Variants in PCDHGA2 observed in about 807,000 individuals in gnomAD.
PCDHGA2 encodes the protein protocadherin gamma subfamily A, 2, also known as protocadherin gamma-A2.
PCDHGA2 carries 40 observed loss-of-function variants against 59.2 expected under a neutral mutation model. The ratio of observed to expected loss-of-function variants is 0.68; its 90% CI spans 0.52 to 0.88. PCDHGA2 has a LOEUF of 0.88. PCDHGA2 is among the 40% of genes least tolerant of loss of function. PCDHGA2 has a pLI of 0.00. For synonymous variants in PCDHGA2, 560 were observed against 526.0 expected (o/e 1.06, Z -0.89); for missense variants, 1,226 against 1,204.0 (o/e 1.02, Z -0.27).
chr5:141,401,613 G>A (rs906957282), intron 1 of PCDHGA2, among the ~76,000 whole-genome samples: 1 of 152,162 alleles, frequency 6.6e-6, no homozygotes, highest in Admixed American at 6.5e-5. Flanking sequence ...AAAAGACACC[G>A]GATTTGTCTT....
chr5:141,463,208 C>G (rs895284460), intron 1 of PCDHGA2, among the ~76,000 whole-genome samples: 1 of 152,090 alleles, frequency 6.6e-6, no homozygotes, highest in African/African-American at 2.4e-5. Flanking sequence ...CTTGGGGATC[C>G]ATATTAATAT....
At chr5:141,404,811 G>A (rs2094571358) in intron 1 of PCDHGA2, 1 of 1,606,238 alleles carries the variant, frequency 6.2e-7, no homozygotes, top group African/African-American at 1.4e-5. Flanking sequence ...TTCTCGGTGG[G>A]GCTGCACACA....
At chr5:141,418,539 A>G (rs984639830) in intron 1 of PCDHGA2, 14 of 1,614,034 alleles carry the variant, frequency 8.7e-6, no homozygotes, top group Non-Finnish European at 1.0e-5. Context: ...GGTACTGCTC[A>G]GATAAGAATC....
chr5:141,360,130 C>T lies in PCDHGA2; in HGVS notation c.2424+18735C>T, dbSNP rs769543573. On this transcript the variant is annotated intron_variant, in intron 1 of 3. Transcript: ENST00000394576. ...CTATGGGCAAAGGAGCAAAGGGAGCCAGAAGATGAAAGCGAGCTCAGGGAG... is the reference window on the plus strand; with the variant it reads ...CTATGGGCAAAGGAGCAAAGGGAGCTAGAAGATGAAAGCGAGCTCAGGGAG... 2.5e-6 allele frequency: 4 copies of T among 1,588,304 alleles called. No homozygotes were observed. In the Admixed American group the frequency reaches 7.0e-5, roughly 28 times the overall value.
Position 141,388,997 on chromosome 5 carries a change from C to G in PCDHGA2, c.2424+47602C>G. On this transcript the variant is annotated intron_variant, in intron 1 of 3. Transcript: ENST00000394576. ...ATATTGCTTTGCTCAAAGTCCGTGA[C>G]AAGGATTCCAGACACAATGGAGAAG... The G allele has an allele frequency of 1.9e-6, 3 of 1,613,968 alleles. No individual in the cohort carries two copies. The highest frequency in any genetic ancestry group is 2.5e-6 in the Non-Finnish European group (3 of 1,179,880).
chr5:141,344,248 C>A (rs1355715841), intron 1 of PCDHGA2: 4 of 1,614,022 alleles, frequency 2.5e-6, no homozygotes, highest in Non-Finnish European at 3.4e-6. Context: ...AGAGGTAGGA[C>A]GCAGCTTTTC....
At chr5:141,370,245 C>G (rs1766766732) in intron 1 of PCDHGA2, 1 of 646,036 alleles carries the variant, frequency 1.5e-6, no homozygotes, top group Non-Finnish European at 2.5e-6. Context: ...GAAAAGTGCA[C>G]TCTCTATCAG....
Position 141,493,360 on chromosome 5 carries a change from G to T in PCDHGA2, c.2425-1447G>T, listed in dbSNP as rs1364095483. Reference sequence around the variant, plus strand: ...CAGAATGTGTGCTTTTAATTTCTTGGCACTTGGAACTTTAAAAGCTTGAGG... The same window carrying T: ...CAGAATGTGTGCTTTTAATTTCTTGTCACTTGGAACTTTAAAAGCTTGAGG... On this transcript the variant is annotated intron_variant, in intron 1 of 3. Transcript: ENST00000394576. This position sits in a 1 kb window ranked among gnomAD's most constrained non-coding sequence, Gnocchi z 4.3. Among the ~76,000 whole-genome samples the T allele has an allele frequency of 6.6e-6, 1 of 152,144 alleles. No individual in the cohort carries two copies. The highest frequency in any genetic ancestry group is 1.5e-5 in the Non-Finnish European group (1 of 68,022).
intron 1 of PCDHGA2, among the ~76,000 whole-genome samples, chr5:141,456,101 G>A (rs1231843666): frequency 6.6e-6 from 1 of 151,970 alleles, no homozygotes; most frequent in African/African-American, 2.4e-5. Context: ...ATTTCACCGT[G>A]TTAGCCAGGA....
intron 1 of PCDHGA2, chr5:141,415,426 C>T: frequency 6.2e-7 from 1 of 1,614,194 alleles, no homozygotes; most frequent in Non-Finnish European, 8.5e-7. Flanking sequence ...GGACGGGGTT[C>T]GGGCTTTCCT....
chr5:141,379,889 C>CTTTTT lies in PCDHGA2; in HGVS notation c.2424+38520_2424+38524dup, dbSNP rs70988800. 5.8e-3 allele frequency among the ~76,000 whole-genome samples: 293 copies of CTTTTT among 50,830 alleles called. 35 individuals carry two copies. The highest frequency in any genetic ancestry group is 6.4e-3 in the African/African-American group (97 of 15,076). The allele number at this position is 50,830 out of a possible 152,430, so 33.3% of individuals were successfully genotyped here. A position where few individuals can be genotyped will look rare whatever the true frequency, so the allele number is the denominator to read the frequency against. On this transcript the variant is annotated intron_variant, in intron 1 of 3. Coordinates refer to ENST00000394576, the MANE Select transcript of PCDHGA2 (RefSeq NM_018915.4). ...CTTATTTTATGGTCTGTGAAAGCCTCTTTTTTTTTTTTTTTTTTTTTTTTT... is the reference window on the plus strand; with the variant it reads ...CTTATTTTATGGTCTGTGAAAGCCTCTTTTTTTTTTTTTTTTTTTTTTTTTTTTTT...
intron 1 of PCDHGA2, among the ~76,000 whole-genome samples, chr5:141,438,619 TATATATATATATATATAC>T (rs1380852637): frequency 0.021 from 829 of 39,644 alleles, 15 homozygotes; most frequent in East Asian, 0.054. Context: ...TATATATATA[TATATATATATATATATAC>T]ACACACACAC....
chr5:141,375,967 G>C (rs200712802), intron 1 of PCDHGA2: 9 of 1,613,254 alleles, frequency 5.6e-6, no homozygotes, highest in East Asian at 2.2e-5. Flanking sequence ...AGGTGCGCAC[G>C]GCGCGCGCCC....
At chr5:141,371,313 C>A in intron 1 of PCDHGA2, 2 of 1,613,964 alleles carry the variant, frequency 1.2e-6, no homozygotes, top group South Asian at 1.1e-5. Flanking sequence ...TATTGGAGAA[C>A]TGGACTTTGA....
rs1178101439 is a variant in PCDHGA2, at chr5:141,443,790, T to C, written c.2425-51017T>C. On this transcript the variant is annotated intron_variant, in intron 1 of 3. Coordinates refer to ENST00000394576, the MANE Select transcript of PCDHGA2 (RefSeq NM_018915.4). Reference sequence around the variant, plus strand: ...AATATTACCAAAAAGACAAAAAAAATGAAAAGGAAACAGTTACCTTTGGAA... The same window carrying C: ...AATATTACCAAAAAGACAAAAAAAACGAAAAGGAAACAGTTACCTTTGGAA... Among the ~76,000 whole-genome samples, 6 of 151,950 alleles carry C rather than the reference T, an allele frequency of 3.9e-5. No homozygotes were observed. The East Asian group carries it at 1.2e-3, about 29-fold the overall frequency.
At chr5:141,495,841 G>A (rs1187067340) in intron 2 of PCDHGA2, among the ~76,000 whole-genome samples, 1 of 151,864 alleles carries the variant, frequency 6.6e-6, no homozygotes, top group Non-Finnish European at 1.5e-5. Context: ...CAGCCTCTAT[G>A]TTTCTCTGTC....
chr5:141,370,865 G>A lies in PCDHGA2; in HGVS notation c.2424+29470G>A, dbSNP rs749306291. The A allele has an allele frequency of 1.2e-5, 19 of 1,613,886 alleles. 1 individual carries two copies. The South Asian group carries it at 1.9e-4, about 16-fold the overall frequency. ...GAGCCACATTTGCCCTGGAATCTGC[G>A]CAAGATCCTGATGTAGGTGTCAATT... On this transcript the variant is annotated intron_variant, in intron 1 of 3. Transcript: ENST00000394576.
In PCDHGA2 at chr5:141,450,826, A is replaced by AT. The variant is rs764729742; in HGVS notation, c.2425-43979dup. On this transcript the variant is annotated intron_variant, in intron 1 of 3. Coordinates refer to ENST00000394576, the MANE Select transcript of PCDHGA2 (RefSeq NM_018915.4). ...TATTTATTTATTTAATATTATTATT[A>AT]TTATTTTTTTTTTTTTGAGATGGGG... Among the ~76,000 whole-genome samples, 613 of 134,334 alleles carry AT rather than the reference A, an allele frequency of 4.6e-3. 5 individuals are homozygous for AT. Among genetic ancestry groups the AT allele is most frequent in the African/African-American group, 9.0e-3 (309 of 34,288 alleles). 88.1% of individuals were successfully genotyped at this position (134,334 alleles called of 152,430 possible).
At chr5:141,402,260 A>C (rs2094244604) in intron 1 of PCDHGA2, among the ~76,000 whole-genome samples, 2 of 152,144 alleles carry the variant, frequency 1.3e-5, no homozygotes, top group South Asian at 4.1e-4. Context: ...AACCCCAGAA[A>C]ATAATTTCAA....
Sources: gnomAD v4.1 joint callset for allele counts (sites outside exome capture counted in the v4.1 genomes callset) on GRCh38, gnomAD v4.1.1 for gene constraint, Gnocchi (gnomAD v3.1) non-coding constraint, MANE v1.5 for transcripts, NCBI Gene and HGNC (gene_info 2026-07-23, HGNC 2026-07-21) for gene names.